APBB2: variants seen among roughly 807,000 people sequenced by gnomAD.
APBB2 encodes the protein Fe65-like 1.
APBB2 carries 38 observed loss-of-function variants against 82.5 expected under a neutral mutation model. The ratio of observed to expected loss-of-function variants is 0.46; its 90% confidence interval spans 0.36 to 0.60. The LOEUF is 0.60. Ranked by LOEUF, APBB2 falls within the 20% of genes least tolerant of loss-of-function variation. The probability of loss-of-function intolerance (pLI) is 0.00; values close to 1 mark genes in which losing one functional copy is unlikely to be tolerated. For missense variants in APBB2, 772 were observed against 972.3 expected (o/e 0.79, Z 2.74); for synonymous variants, 341 against 368.2 (o/e 0.93, Z 0.85).
At chr4:41,133,347 A>C (rs1278411568) in intron 2 of APBB2, among the ~76,000 whole-genome samples, 1 of 152,194 alleles carries the variant, frequency 6.6e-6, no homozygotes, top group East Asian at 1.9e-4. Context: ...TCAGAAGATA[A>C]TTTAATCTCA....
At chr4:40,875,445 G>A (rs955184251) in intron 12 of APBB2, among the ~76,000 whole-genome samples, 3 of 152,136 alleles carry the variant, frequency 2.0e-5, no homozygotes, top group African/African-American at 7.2e-5. Context: ...TTTTCTAGTA[G>A]CCACATTAAA....
intron 1 of APBB2, among the ~76,000 whole-genome samples, chr4:41,197,567 C>T: frequency 1.3e-5 from 2 of 152,192 alleles, no homozygotes; most frequent in Admixed American, 1.3e-4. Flanking sequence ...TCAATCCTGG[C>T]TCCAGAGTCT....
At chr4:40,944,780 C>T in intron 7 of APBB2, 85 bp downstream of exon 7, 3 of 1,341,438 alleles carry the variant, frequency 2.2e-6, no homozygotes, top group South Asian at 2.4e-5. Flanking sequence ...CCTTGATGAC[C>T]TGTTGGGGCA....
intron 10 of APBB2, among the ~76,000 whole-genome samples, chr4:40,907,170 T>A (rs1241632092): frequency 1.3e-5 from 2 of 151,594 alleles, no homozygotes; most frequent in African/African-American, 2.4e-5. Context: ...AGGTACAGGG[T>A]AGTTGTTAAG....
chr4:40,887,867 T>C (rs372210854), intron 12 of APBB2, among the ~76,000 whole-genome samples: 1 of 152,192 alleles, frequency 6.6e-6, no homozygotes, highest in Non-Finnish European at 1.5e-5. Flanking sequence ...TTTAAAAACA[T>C]GAGTAATACA....
chr4:40,869,012 C>A (rs1171709477), intron 12 of APBB2, among the ~76,000 whole-genome samples: 1 of 152,086 alleles, frequency 6.6e-6, no homozygotes, highest in African/African-American at 2.4e-5. Context: ...CTCGATTTGT[C>A]CCCACACCAC....
chr4:41,163,227 G>A (rs1230394833), intron 1 of APBB2, among the ~76,000 whole-genome samples: 1 of 152,208 alleles, frequency 6.6e-6, no homozygotes, highest in Non-Finnish European at 1.5e-5. Context: ...AAAAGATCTG[G>A]GGGGAAAGAG....
At chr4:41,017,744 C>T (rs1373006473) in intron 5 of APBB2, among the ~76,000 whole-genome samples, 1 of 152,130 alleles carries the variant, frequency 6.6e-6, no homozygotes, top group Admixed American at 6.5e-5. Flanking sequence ...TCTAATTGGT[C>T]TGAGTGATTG....
At chr4:40,882,408 A>C (rs780883504) in intron 12 of APBB2, among the ~76,000 whole-genome samples, 13 of 152,176 alleles carry the variant, frequency 8.5e-5, no homozygotes, top group Non-Finnish European at 1.8e-4. Flanking sequence ...CAGGACCTAG[A>C]CTTAAAAAGA....
intron 4 of APBB2, among the ~76,000 whole-genome samples, chr4:41,049,543 C>T (rs1286765162): frequency 6.7e-6 from 1 of 148,462 alleles, no homozygotes; most frequent in Non-Finnish European, 1.5e-5. Flanking sequence ...CCGCCCCGTC[C>T]GGGAGGGAGG....
rs915628268 is a variant in APBB2, at chr4:41,033,393, A to G, written c.-50-89T>C. On this transcript the variant is annotated intron_variant, in intron 4 of 17. Coordinates refer to ENST00000508593, the MANE Select transcript of APBB2 (RefSeq NM_004307.2). ...GCATAGCAGTGAAAATCTCTCCAAA[A>G]GCTGTTATATATACCAAACAAATTT... is the stretch of plus-strand genomic sequence containing the variant. 4.3e-6 allele frequency: 4 copies of G among 924,054 alleles called. No individual in the cohort carries two copies. In the African/African-American group the frequency reaches 7.0e-5, roughly 16 times the overall value. 57.2% of individuals were successfully genotyped at this position (924,054 alleles called of 1,614,324 possible).
At chr4:40,923,060 CG>C (rs775338884) in intron 10 of APBB2, among the ~76,000 whole-genome samples, 1 of 117,960 alleles carries the variant, frequency 8.5e-6, no homozygotes, top group Non-Finnish European at 1.9e-5. Context: ...CTGCAAGCTC[CG>C]CCCTCCCAGG....
chr4:40,927,773 C>A (rs1782999516), intron 10 of APBB2, among the ~76,000 whole-genome samples: 1 of 152,184 alleles, frequency 6.6e-6, no homozygotes, highest in Non-Finnish European at 1.5e-5. Flanking sequence ...GCATGAGCCA[C>A]CGCGCCCAGC....
intron 3 of APBB2, among the ~76,000 whole-genome samples, chr4:41,078,256 G>A (rs1052402463): frequency 2.0e-5 from 3 of 152,126 alleles, no homozygotes; most frequent in African/African-American, 4.8e-5. Context: ...TTTGCTACAA[G>A]GAAGTAAATA....
At chr4:40,902,346 T>C (rs1177631173) in intron 10 of APBB2, among the ~76,000 whole-genome samples, 5 of 152,172 alleles carry the variant, frequency 3.3e-5, no homozygotes, top group Non-Finnish European at 7.3e-5. Flanking sequence ...TTTTGGTTAG[T>C]GGATGAGGAA....
rs375077734 is a variant in APBB2, at chr4:40,973,168, T to G, written c.836-28095A>C. 9.2e-5 allele frequency among the ~76,000 whole-genome samples: 14 copies of G among 152,234 alleles called. 1 individual carries two copies. The highest frequency in any genetic ancestry group is 3.1e-4 in the African/African-American group (13 of 41,534). ...CCCTGCTGTGTATCCTGAGGTAAAC[T>G]CTATGGACTACATCAATGAGCTCTC... is the stretch of plus-strand genomic sequence containing the variant. On this transcript the variant is annotated intron_variant, in intron 6 of 17. Coordinates refer to ENST00000508593, the MANE Select transcript of APBB2 (RefSeq NM_004307.2).
chr4:41,122,845 C>T (rs548202006), intron 2 of APBB2, among the ~76,000 whole-genome samples: 4 of 152,258 alleles, frequency 2.6e-5, no homozygotes, highest in Admixed American at 6.5e-5. Context: ...TCTGCCCTGC[C>T]GTGCCATGCC....
chr4:41,016,335 A>G (rs992434028), intron 5 of APBB2, among the ~76,000 whole-genome samples: 1 of 152,228 alleles, frequency 6.6e-6, no homozygotes, highest in Non-Finnish European at 1.5e-5. Flanking sequence ...TAATATATAA[A>G]TAACTTTTAT....
chr4:41,090,047 A>C (rs1741160191), intron 3 of APBB2, among the ~76,000 whole-genome samples: 1 of 152,132 alleles, frequency 6.6e-6, no homozygotes. Flanking sequence ...CCCAAACATA[A>C]ATTATATGGT....
Sources: allele counts gnomAD v4.1 joint callset (sites outside exome capture counted in the v4.1 genomes callset), GRCh38; gene constraint gnomAD v4.1.1; transcripts MANE v1.5; gene names NCBI Gene and HGNC (gene_info 2026-07-23, HGNC 2026-07-21).